The following AP1AR variants were observed in gnomAD, a reference collection of about 807,000 sequenced individuals.
The protein encoded by AP1AR is adaptor related protein complex 1 associated regulatory protein.
AP1AR carries 29 observed loss-of-function variants against 46.3 expected under a neutral mutation model. That is an observed-to-expected ratio of 0.63 (90% confidence interval 0.47 to 0.85). The LOEUF is 0.85. Among genes scored for constraint, AP1AR ranks in the 40% least tolerant of loss-of-function variants. The probability of loss-of-function intolerance (pLI) is 0.00; values close to 1 mark genes in which losing one functional copy is unlikely to be tolerated. For synonymous variants in AP1AR, 122 were observed against 122.9 expected, an observed-to-expected ratio of 0.99 and a Z score of 0.05; for missense variants, 357 against 356.3, an observed-to-expected ratio of 1.00 and a Z score of -0.02.
intron 1 of AP1AR, among the ~76,000 whole-genome samples, chr4:112,237,913 T>C (rs1415558695): frequency 6.6e-6 from 1 of 152,242 alleles, no homozygotes; most frequent in African/African-American, 2.4e-5. Flanking sequence ...TTTTGCTCTA[T>C]ATCAAGGGTT....
intron 7 of AP1AR, among the ~76,000 whole-genome samples, 153 bp from the exon 8 acceptor site, chr4:112,265,581 T>A (rs1726666427): frequency 6.6e-6 from 1 of 151,960 alleles, no homozygotes; most frequent in African/African-American, 2.4e-5. Context: ...TTAAGAAAAT[T>A]AAGAACTATT....
intron 1 of AP1AR, among the ~76,000 whole-genome samples, chr4:112,245,296 T>C (rs1725678849): frequency 1.3e-5 from 2 of 152,182 alleles, no homozygotes; most frequent in Admixed American, 1.3e-4. Flanking sequence ...GTGTTATATA[T>C]AAAATTAGCG....
chr4:112,244,220 T>G (rs1725629265), intron 1 of AP1AR, among the ~76,000 whole-genome samples: 1 of 152,212 alleles, frequency 6.6e-6, no homozygotes, highest in Non-Finnish European at 1.5e-5. Context: ...CTCTGCCTAT[T>G]TACTTGAAAT....
chr4:112,268,334 T>G lies in AP1AR; in HGVS notation c.834T>G (p.Ser278=). 6.2e-7 allele frequency: 1 copy of G among 1,613,098 alleles called. No individual in the cohort carries two copies. Among genetic ancestry groups the G allele is most frequent in the Non-Finnish European group, 8.5e-7 (1 of 1,179,302 alleles). Reference sequence around the variant, plus strand: ...ATGATAATGGAAATTCCGAGTATTCTGGATTTGTAAATCCTGTATTAGAAC... The same window carrying G: ...ATGATAATGGAAATTCCGAGTATTCGGGATTTGTAAATCCTGTATTAGAAC... The part of the protein sequence containing the change: ...EMDDNGNSEY[S]GFVNPVLELS... The change falls in exon 10 of 10, where the codon TCT becomes TCG. Residue 278 remains serine, a synonymous_variant. Coordinates refer to ENST00000274000, the MANE Select transcript of AP1AR (RefSeq NM_018569.6).
rs1725010957 is a variant in AP1AR, at chr4:112,231,854, G to T, written c.-238G>T. ...ACGGCGAGGGAGTCCAGAGCCTTGA[G>T]CCCGGTGCTCCTCCCTCGCGCAGCG... On this transcript the variant is annotated 5_prime_UTR_variant, in exon 1 of 10. Coordinates refer to ENST00000274000, the MANE Select transcript of AP1AR (RefSeq NM_018569.6). 2.3e-5 allele frequency: 9 copies of T among 387,758 alleles called. No individual in the cohort carries two copies. The East Asian group carries it at 3.3e-4, about 14-fold the overall frequency. 24.0% of individuals were successfully genotyped at this position (387,758 alleles called of 1,614,324 possible). A position where few individuals can be genotyped will look rare whatever the true frequency, so the allele number is the denominator to read the frequency against.
chr4:112,232,463 G>T (rs935560836), intron 1 of AP1AR, among the ~76,000 whole-genome samples: 1 of 152,190 alleles, frequency 6.6e-6, no homozygotes, highest in African/African-American at 2.4e-5. Context: ...GAAACAAGGG[G>T]TAGCTTCGCG....
chr4:112,255,180 C>T (rs1363407283), intron 3 of AP1AR, among the ~76,000 whole-genome samples: 5 of 152,008 alleles, frequency 3.3e-5, no homozygotes, highest in Non-Finnish European at 7.4e-5. Context: ...AGGATGGTCT[C>T]GATCTCCTGA....
intron 1 of AP1AR, among the ~76,000 whole-genome samples, chr4:112,252,042 C>T (rs956015343): frequency 2.6e-5 from 4 of 152,034 alleles, no homozygotes; most frequent in South Asian, 4.1e-4. Context: ...CAAGAATTTG[C>T]GACCAGGCTG....
chr4:112,262,020 A>ATT (rs1181422583), intron 5 of AP1AR, among the ~76,000 whole-genome samples: 1 of 151,900 alleles, frequency 6.6e-6, no homozygotes, highest in African/African-American at 2.4e-5. Context: ...ATATACATAT[A>ATT]TTTGTCTGTT....
chr4:112,236,548 C>G (rs1447483863), intron 1 of AP1AR, among the ~76,000 whole-genome samples: 1 of 151,944 alleles, frequency 6.6e-6, no homozygotes, highest in Non-Finnish European at 1.5e-5. Flanking sequence ...TTACAGGCAC[C>G]CACCACCATG....
intron 1 of AP1AR, among the ~76,000 whole-genome samples, chr4:112,235,986 C>T (rs1389688970): frequency 6.6e-6 from 1 of 151,902 alleles, no homozygotes; most frequent in African/African-American, 2.4e-5. Context: ...ATTTTCTTGT[C>T]TTCTCTTTTT....
At chr4:112,257,922 A>G in intron 4 of AP1AR, 125 bp downstream of exon 4, 1 of 752,064 alleles carries the variant, frequency 1.3e-6, no homozygotes, top group Non-Finnish European at 2.0e-6. Flanking sequence ...CAGAACTTTC[A>G]GATTTTTCTT....
intron 9 of AP1AR, among the ~76,000 whole-genome samples, chr4:112,267,782 AT>A (rs1414954284): frequency 3.9e-5 from 6 of 152,078 alleles, no homozygotes; most frequent in African/African-American, 1.4e-4. Context: ...GGGAAATGAA[AT>A]TATGTGGGTA....
rs528393541 is a variant in AP1AR, at chr4:112,234,785, T to A, written c.83+2611T>A. ...AACTTGATTTGATCCTATATGTCTT[T>A]GTAGTGACCACAAAAGAAGAGGGTG... On this transcript the variant is annotated intron_variant, in intron 1 of 9. Coordinates refer to ENST00000274000, the MANE Select transcript of AP1AR (RefSeq NM_018569.6). 7.9e-5 allele frequency among the ~76,000 whole-genome samples: 12 copies of A among 152,274 alleles called. No homozygotes were observed. The South Asian group carries it at 2.3e-3, about 29-fold the overall frequency.
In AP1AR at chr4:112,253,214, GTATTTTA is replaced by G; in HGVS notation, c.91_97del (p.Tyr31GlufsTer9). On this transcript the variant is annotated frameshift_variant, in exon 2 of 10. Coordinates refer to ENST00000274000, the MANE Select transcript of AP1AR (RefSeq NM_018569.6). LOFTEE classifies it high-confidence loss of function. ...ATTCTGTTTTCCTTCCCAGATCCAA[GTATTTTA>G]GAACATGCTCAAGAGGTGAGCACTT... The G allele has an allele frequency of 6.2e-7, 1 of 1,609,378 alleles. No individual in the cohort carries two copies. Among genetic ancestry groups the G allele is most frequent in the Non-Finnish European group, 8.5e-7 (1 of 1,177,982 alleles).
intron 4 of AP1AR, 71 bp downstream of exon 4, chr4:112,257,868 G>C (rs1726273240): frequency 7.5e-7 from 1 of 1,337,582 alleles, no homozygotes; most frequent in East Asian, 2.6e-5. Context: ...AAGAAGTCAG[G>C]CTTTATCATT....
chr4:112,262,079 C>T (rs1025424546), intron 5 of AP1AR, among the ~76,000 whole-genome samples: 1 of 151,866 alleles, frequency 6.6e-6, no homozygotes, highest in African/African-American at 2.4e-5. Flanking sequence ...CTTTGGAGGC[C>T]AAGACAGGCA....
At chr4:112,258,134 TATTC>T (rs1189407793) in intron 4 of AP1AR, among the ~76,000 whole-genome samples, 3 of 152,206 alleles carry the variant, frequency 2.0e-5, no homozygotes, top group Non-Finnish European at 4.4e-5. Context: ...TTCTAAAACT[TATTC>T]TACTAAATTT....
chr4:112,246,521 C>T (rs1295041352), intron 1 of AP1AR, among the ~76,000 whole-genome samples: 1 of 152,170 alleles, frequency 6.6e-6, no homozygotes, highest in Non-Finnish European at 1.5e-5. Context: ...ACAAAAAATA[C>T]ATAATAATTT....
Sources: allele counts gnomAD v4.1 joint callset (sites outside exome capture counted in the v4.1 genomes callset), GRCh38; gene constraint gnomAD v4.1.1; transcripts MANE v1.5; gene names NCBI Gene and HGNC (gene_info 2026-07-23, HGNC 2026-07-21).